Variants in CARMIL1 observed in about 807,000 individuals in gnomAD.
CARMIL1 encodes the protein capping protein regulator and myosin 1 linker 1, also known as F-actin-uncapping protein LRRC16A.
A neutral mutation model predicts 177.1 loss-of-function variants in CARMIL1; 90 were observed. The observed-to-expected ratio is 0.51, with a 90% CI of 0.43 to 0.61. The LOEUF is 0.61. CARMIL1 is among the 20% of genes least tolerant of loss of function. The pLI is 0.00. For missense variants in CARMIL1, 1,380 were observed against 1,667.0 expected, an observed-to-expected ratio of 0.83 and a Z score of 3.00; for synonymous variants, 577 against 606.2, an observed-to-expected ratio of 0.95 and a Z score of 0.71.
At chr6:25,563,815 A>G in intron 29 of CARMIL1, 1 of 985,410 alleles carries the variant, frequency 1.0e-6, no homozygotes, top group Non-Finnish European at 1.2e-6. Context: ...AATCACTTGA[A>G]TTTGCTTGGA....
At chr6:25,489,095 G>T (rs1351536604) in intron 13 of CARMIL1, among the ~76,000 whole-genome samples, 1 of 152,092 alleles carries the variant, frequency 6.6e-6, no homozygotes, top group Non-Finnish European at 1.5e-5. Context: ...AACCCTGGAG[G>T]CGGAGGTTGT....
At chr6:25,422,044 A>G (rs1795907503) in intron 3 of CARMIL1, among the ~76,000 whole-genome samples, 1 of 152,142 alleles carries the variant, frequency 6.6e-6, no homozygotes, top group African/African-American at 2.4e-5. Flanking sequence ...AATAATAAAA[A>G]AGAAAATAGC....
intron 2 of CARMIL1, among the ~76,000 whole-genome samples, chr6:25,362,064 C>T (rs139655926): frequency 0.011 from 1,601 of 152,128 alleles, 18 homozygotes; most frequent in Non-Finnish European, 0.017. Context: ...GTTATAGCAA[C>T]AGAAAATGAA....
At chr6:25,607,656 A>G (rs1430975582) in intron 35 of CARMIL1, among the ~76,000 whole-genome samples, 1 of 152,224 alleles carries the variant, frequency 6.6e-6, no homozygotes, top group African/African-American at 2.4e-5. Context: ...CAATGTGCAG[A>G]TGGTTTGGGT....
chr6:25,491,626 G>C (rs1350417662), intron 13 of CARMIL1, 106 bp from the exon 14 acceptor site: 2 of 663,760 alleles, frequency 3.0e-6, no homozygotes, highest in Non-Finnish European at 5.1e-6. Flanking sequence ...GAAGAGCAGA[G>C]AATGATCTGA....
chr6:25,613,136 G>C (rs191030044), intron 36 of CARMIL1, among the ~76,000 whole-genome samples: 1 of 152,142 alleles, frequency 6.6e-6, no homozygotes, highest in Non-Finnish European at 1.5e-5. Context: ...TTGGTGACTT[G>C]TCCTTTTAAA....
At chr6:25,303,741 C>T (rs941166003) in intron 2 of CARMIL1, among the ~76,000 whole-genome samples, 6 of 152,178 alleles carry the variant, frequency 3.9e-5, no homozygotes, top group Admixed American at 2.0e-4. Context: ...TGTTAAATAA[C>T]GGGTGAACAA....
At chr6:25,380,510 T>C (rs1348249568) in intron 2 of CARMIL1, among the ~76,000 whole-genome samples, 1 of 152,220 alleles carries the variant, frequency 6.6e-6, no homozygotes, top group Non-Finnish European at 1.5e-5. Flanking sequence ...AAAGAGATTT[T>C]GTTGGGTTGG....
At chr6:25,531,986 G>A (rs1462945184) in intron 24 of CARMIL1, among the ~76,000 whole-genome samples, 1 of 152,122 alleles carries the variant, frequency 6.6e-6, no homozygotes, top group Non-Finnish European at 1.5e-5. Context: ...GCCCAGGCTG[G>A]TCTCAAACTC....
Position 25,550,961 on chromosome 6 carries a change from A to G in CARMIL1, c.2380A>G (p.Met794Val). 1 of 1,613,512 alleles carries G rather than the reference A, an allele frequency of 6.2e-7. No individual in the cohort carries two copies. The highest frequency in any genetic ancestry group is 8.5e-7 in the Non-Finnish European group (1 of 1,179,586). The change falls in exon 27 of 37, where the codon ATG becomes GTG. Residue 794 changes from methionine (M) to valine (V), a missense_variant. Coordinates refer to ENST00000329474, the MANE Select transcript of CARMIL1 (RefSeq NM_017640.6). ...DAAENLCPNV[M>V]KKAHIRQDLI... is the part of the protein sequence containing the mutation. Reference sequence around the variant, plus strand: ...TGCTGAGAATCTTTGTCCCAATGTGATGAAAAAAGCCCACATTCGACAAGA... The same window carrying G: ...TGCTGAGAATCTTTGTCCCAATGTGGTGAAAAAAGCCCACATTCGACAAGA...
intron 2 of CARMIL1, among the ~76,000 whole-genome samples, chr6:25,399,791 G>A (rs565100958): frequency 6.6e-6 from 1 of 152,150 alleles, no homozygotes; most frequent in East Asian, 1.9e-4. Context: ...TATTTAGCTC[G>A]GCCTTTCAGA....
chr6:25,451,694 A>G (rs909862523), intron 8 of CARMIL1, among the ~76,000 whole-genome samples: 2 of 152,038 alleles, frequency 1.3e-5, no homozygotes, highest in South Asian at 4.1e-4. Flanking sequence ...GTGTCTGGTA[A>G]TTTATCTTGG....
chr6:25,320,913 A>C (rs1363281308), intron 2 of CARMIL1, among the ~76,000 whole-genome samples: 1 of 152,262 alleles, frequency 6.6e-6, no homozygotes, highest in Non-Finnish European at 1.5e-5. Context: ...AATTGCCAAA[A>C]AAATCTCATA....
intron 2 of CARMIL1, among the ~76,000 whole-genome samples, chr6:25,349,293 A>G (rs1317392920): frequency 6.6e-6 from 1 of 152,216 alleles, no homozygotes; most frequent in Non-Finnish European, 1.5e-5. Context: ...AGAAACCTGG[A>G]AAAACTCACT....
chr6:25,473,254 A>G (rs2150945754), intron 11 of CARMIL1, among the ~76,000 whole-genome samples: 1 of 152,320 alleles, frequency 6.6e-6, no homozygotes. Flanking sequence ...AGTGATTAGT[A>G]ACCTAATCAT....
At chr6:25,467,730 G>T (rs1388568113) in intron 9 of CARMIL1, among the ~76,000 whole-genome samples, 1 of 152,176 alleles carries the variant, frequency 6.6e-6, no homozygotes, top group Non-Finnish European at 1.5e-5. Context: ...GTGACAGGAT[G>T]TGAGGGCTGC....
At chr6:25,309,517 T>C (rs1783596968) in intron 2 of CARMIL1, among the ~76,000 whole-genome samples, 1 of 151,714 alleles carries the variant, frequency 6.6e-6, no homozygotes, top group Non-Finnish European at 1.5e-5. Flanking sequence ...ACCTCTTCCC[T>C]TTAACACTTA....
At chr6:25,481,552 G>C (rs1452524342) in intron 11 of CARMIL1, among the ~76,000 whole-genome samples, 1 of 152,166 alleles carries the variant, frequency 6.6e-6, no homozygotes, top group African/African-American at 2.4e-5. Context: ...GTCAGTTGAA[G>C]GACCTGTATG....
chr6:25,312,633 T>A (rs548987485), intron 2 of CARMIL1, among the ~76,000 whole-genome samples: 1 of 152,280 alleles, frequency 6.6e-6, no homozygotes, highest in African/African-American at 2.4e-5. Flanking sequence ...GAGATTAATA[T>A]TCTGGTGGGG....
Sources: allele counts gnomAD v4.1 joint callset (sites outside exome capture counted in the v4.1 genomes callset), GRCh38; gene constraint gnomAD v4.1.1; transcripts MANE v1.5; gene names NCBI Gene and HGNC (gene_info 2026-07-23, HGNC 2026-07-21).